The following CHST10 variants were observed in gnomAD, a reference collection of about 807,000 sequenced individuals.
The protein encoded by CHST10 is carbohydrate sulfotransferase 10, also known as HNK-1 sulfotransferase.
In CHST10, 24 loss-of-function variants were observed where a neutral mutation model predicts 34.7. The ratio of observed to expected loss-of-function variants is 0.69; its 90% CI spans 0.50 to 0.97. The LOEUF (loss-of-function observed/expected upper bound fraction) is 0.97, where lower values mean the gene tolerates loss of function less well. Among genes scored for constraint, CHST10 ranks in the 50% least tolerant of loss-of-function variants. The pLI is 0.00. For synonymous variants in CHST10, 161 were observed against 169.3 expected (o/e 0.95, Z 0.38); for missense variants, 402 against 452.1 (o/e 0.89, Z 1.00).
At chr2:100,410,705 T>G (rs1675795759) in intron 2 of CHST10, among the ~76,000 whole-genome samples, 1 of 152,204 alleles carries the variant, frequency 6.6e-6, no homozygotes, top group Admixed American at 6.5e-5. Context: ...CCAAATGCTA[T>G]GAGGACTTCA....
chr2:100,410,239 G>A (rs920749385), intron 2 of CHST10, among the ~76,000 whole-genome samples: 34 of 152,316 alleles, frequency 2.2e-4, no homozygotes, highest in African/African-American at 7.5e-4. Context: ...TTGTACACTC[G>A]GGGTAAGCAG....
chr2:100,395,053 C>G (rs1674990303), intron 6 of CHST10, among the ~76,000 whole-genome samples: 1 of 152,192 alleles, frequency 6.6e-6, no homozygotes, highest in Non-Finnish European at 1.5e-5. Context: ...GGGGTTCCGT[C>G]TCTCTACCCT....
At chr2:100,408,282 C>T (rs1006045556) in intron 2 of CHST10, 32 of 152,154 alleles carry the variant, frequency 2.1e-4, no homozygotes, top group African/African-American at 7.0e-4. Flanking sequence ...AAATTCCTTG[C>T]AAGCCAGCTG....
intron 4 of CHST10, among the ~76,000 whole-genome samples, chr2:100,399,166 C>T (rs183164129): frequency 4.0e-5 from 6 of 151,406 alleles, no homozygotes; most frequent in Non-Finnish European, 5.9e-5. Context: ...TGCAGTGGCA[C>T]GATCTCAGCT....
chr2:100,398,196 C>G, intron 4 of CHST10, 54 bp from the exon 5 acceptor site: 1 of 1,367,020 alleles, frequency 7.3e-7, no homozygotes, highest in Non-Finnish European at 1.0e-6. Context: ...GAGGCAGGAC[C>G]GGGCCAAGCA....
At position 100,393,740 on chromosome 2, in the gene CHST10, G is replaced by C; in HGVS notation, c.576C>G (p.Phe192Leu). 1 of 1,612,730 alleles carries C rather than the reference G, an allele frequency of 6.2e-7. No individual in the cohort carries two copies. The highest frequency in any genetic ancestry group is 8.5e-7 in the Non-Finnish European group (1 of 1,179,864). The change falls in exon 7 of 7, where the codon TTC becomes TTG. Residue 192 changes from phenylalanine (F) to leucine (L), a missense_variant. By Grantham distance (22) the Phe-to-Leu change is conservative. Transcript: ENST00000264249. The stretch of plus-strand genomic sequence containing the variant: ...CCTTAAATGCAGAAATAAGTCTTTC[G>C]AAGGGATCTCTTACAATAAAAAACT... ...YFKFFIVRDP[F>L]ERLISAFKDK... is the part of the protein sequence containing the mutation.
intron 3 of CHST10, among the ~76,000 whole-genome samples, chr2:100,404,518 T>C (rs1265184483): frequency 1.3e-5 from 2 of 152,210 alleles, no homozygotes; most frequent in East Asian, 1.9e-4. Context: ...TACCACTCCT[T>C]TTCTCCGCTT....
rs1301223315 is a variant in CHST10, at chr2:100,397,942, G to A, written c.393C>T (p.Asn131=). ...ILFCQTPKVG[N]TQWKKVLIVL... ...CAATCAGCACTTTCTTCCACTGGGT[G>A]TTGCCCACTTTGGGAGTCTGGCAGA... The change falls in exon 5 of 7, where the codon AAC becomes AAT. Residue 131 remains asparagine (N), a synonymous_variant. Coordinates refer to ENST00000264249, the MANE Select transcript of CHST10 (RefSeq NM_004854.5). 1 of 1,614,024 alleles carries A rather than the reference G, an allele frequency of 6.2e-7. No homozygotes were observed. Among genetic ancestry groups the A allele is most frequent in the Admixed American group, 1.7e-5 (1 of 60,026 alleles).
Position 100,409,985 on chromosome 2 carries a change from C to T in CHST10, c.-32-3278G>A, listed in dbSNP as rs569161004. 1.1e-3 allele frequency among the ~76,000 whole-genome samples: 169 copies of T among 152,258 alleles called. 1 individual carries two copies. Among genetic ancestry groups the T allele is most frequent in the African/African-American group, 3.6e-3 (149 of 41,538 alleles). On this transcript the variant is annotated intron_variant, in intron 2 of 6. Coordinates refer to ENST00000264249, the MANE Select transcript of CHST10 (RefSeq NM_004854.5). ...TTGTCCCCGGGATGGTACCAGGACA[C>T]GTGGAGACTCCAGTGGGGGATGTGG... is the stretch of plus-strand genomic sequence containing the variant.
chr2:100,395,492 G>T lies in CHST10; in HGVS notation c.533+17C>A. The T allele has an allele frequency of 6.2e-7, 1 of 1,601,334 alleles. No homozygotes were observed. The highest frequency in any genetic ancestry group is 1.1e-5 in the South Asian group (1 of 90,720). On this transcript the variant is annotated intron_variant, in intron 6 of 6. Coordinates refer to ENST00000264249, the MANE Select transcript of CHST10 (RefSeq NM_004854.5). ...TTACAAAAACTCCCCCCTCCCCTTT[G>T]AGGAAGCTGTTCTCACCGCTTCTGA... is the stretch of plus-strand genomic sequence containing the variant.
At chr2:100,412,754 C>T (rs888106901) in intron 2 of CHST10, among the ~76,000 whole-genome samples, 1 of 152,188 alleles carries the variant, frequency 6.6e-6, no homozygotes, top group Non-Finnish European at 1.5e-5. Context: ...CAACGAGAGT[C>T]TATTGATGCT....
chr2:100,407,581 G>A (rs934205414), intron 2 of CHST10: 1 of 152,194 alleles, frequency 6.6e-6, no homozygotes, highest in African/African-American at 2.4e-5. Context: ...TCAACACAGT[G>A]CTGATGGCAA....
At position 100,415,117 on chromosome 2, in the gene CHST10, T is replaced by C. The variant is rs904049226; in HGVS notation, c.-103-6A>G. On this transcript the variant is annotated splice_polypyrimidine_tract_variant and splice_region_variant and intron_variant, in intron 1 of 6. Coordinates refer to ENST00000264249, the MANE Select transcript of CHST10 (RefSeq NM_004854.5). ...GTTCTTGGTTCCTCTTGTCACTGGATAGGAAAATTAAAAAAAAAAAAGCAT... is the reference window on the plus strand; with the variant it reads ...GTTCTTGGTTCCTCTTGTCACTGGACAGGAAAATTAAAAAAAAAAAAGCAT... The C allele has an allele frequency of 1.4e-5, 18 of 1,279,684 alleles. No individual in the cohort carries two copies. Among genetic ancestry groups the C allele is most frequent in the Non-Finnish European group, 1.8e-5 (18 of 978,074 alleles). The allele number at this position is 1,279,684 out of a possible 1,614,324, so 79.3% of individuals were successfully genotyped here. A position where few individuals can be genotyped will look rare whatever the true frequency, so the allele number is the denominator to read the frequency against.
At chr2:100,417,172 C>T in intron 1 of CHST10, 1 of 735,806 alleles carries the variant, frequency 1.4e-6, no homozygotes, top group Non-Finnish European at 2.1e-6. Flanking sequence ...CGCACAAGGA[C>T]GCCTTCTTAT....
chr2:100,402,554 C>T lies in CHST10; in HGVS notation c.192+10G>A. ...CAAGAGGACAAGGACCACGGCCTGGCTGTGCCCACCTTCAGTTCCTCAGGA... is the reference window on the plus strand; with the variant it reads ...CAAGAGGACAAGGACCACGGCCTGGTTGTGCCCACCTTCAGTTCCTCAGGA... On this transcript the variant is annotated intron_variant, in intron 4 of 6. Coordinates refer to ENST00000264249, the MANE Select transcript of CHST10 (RefSeq NM_004854.5). The T allele has an allele frequency of 6.2e-7, 1 of 1,612,424 alleles. No individual in the cohort carries two copies. The highest frequency in any genetic ancestry group is 8.5e-7 in the Non-Finnish European group (1 of 1,179,000).
intron 4 of CHST10, among the ~76,000 whole-genome samples, chr2:100,401,733 A>G (rs1675349744): frequency 6.6e-6 from 1 of 152,144 alleles, no homozygotes; most frequent in Non-Finnish European, 1.5e-5. Flanking sequence ...ATGTCCTACG[A>G]GAAGTAACCT....
chr2:100,399,340 T>C (rs1039052204), intron 4 of CHST10, among the ~76,000 whole-genome samples: 5 of 152,252 alleles, frequency 3.3e-5, no homozygotes, highest in African/African-American at 1.2e-4. Flanking sequence ...TCTCCTGACC[T>C]TGTGATCCGC....
chr2:100,402,696 A>C, intron 3 of CHST10, 41 bp from the exon 4 acceptor site: 1 of 1,553,442 alleles, frequency 6.4e-7, no homozygotes, highest in Non-Finnish European at 8.9e-7. Flanking sequence ...TAAAAGGAAA[A>C]GGCACACAGG....
In CHST10 at chr2:100,405,369, C is replaced by A. The variant is rs550406897; in HGVS notation, c.100+1207G>T. Among the ~76,000 whole-genome samples, 4 of 152,306 alleles carry A rather than the reference C, an allele frequency of 2.6e-5. No homozygotes were observed. In the South Asian group the frequency reaches 6.2e-4, roughly 24 times the overall value. On this transcript the variant is annotated intron_variant, in intron 3 of 6. Coordinates refer to ENST00000264249, the MANE Select transcript of CHST10 (RefSeq NM_004854.5). ...GTGATGACAGCCAATCAGGGCCCAA[C>A]AACTGTCATGGGGAGAACCACCATG...
Sources: gnomAD v4.1 joint callset for allele counts (sites outside exome capture counted in the v4.1 genomes callset) on GRCh38, gnomAD v4.1.1 for gene constraint, MANE v1.5 for transcripts, NCBI Gene and HGNC (gene_info 2026-07-23, HGNC 2026-07-21) for gene names.